The following BTD variants were observed in gnomAD, a reference collection of about 807,000 sequenced individuals.
The protein encoded by BTD is biocytinase.
A neutral mutation model predicts 17.7 loss-of-function variants in BTD; 13 were observed. The observed-to-expected ratio is 0.74, with a 90% CI of 0.48 to 1.17. The LOEUF (loss-of-function observed/expected upper bound fraction) is 1.17, where lower values mean the gene tolerates loss of function less well. Ranked by LOEUF, BTD falls within the 50% of genes most tolerant of loss-of-function variation. The pLI, the probability that BTD is intolerant of heterozygous loss-of-function variation, is 0.00. For missense variants in BTD, 674 were observed against 650.4 expected, an observed-to-expected ratio of 1.04 and a Z score of -0.39; for synonymous variants, 240 against 245.2, an observed-to-expected ratio of 0.98 and a Z score of 0.20.
At chr3:15,670,628 T>C in intron 3 of BTD, 2 of 1,431,464 alleles carry the variant, frequency 1.4e-6, no homozygotes, top group South Asian at 2.7e-5. Flanking sequence ...GAAATAAGCC[T>C]AAAGTACTTC....
At chr3:15,606,497 T>C (rs7651039) in intron 1 of BTD, 95,464 of 152,144 alleles carry the variant, frequency 0.63, 31,537 homozygotes, top group African/African-American at 0.85. Context: ...GTCAGTTCAC[T>C]GGGCCTACTT....
At chr3:15,630,024 T>C (rs2065166240) in intron 1 of BTD, 2 of 985,286 alleles carry the variant, frequency 2.0e-6, no homozygotes, top group African/African-American at 3.5e-5. Context: ...ACGCAGACGC[T>C]GTGTGTCACA....
At chr3:15,720,009 A>G (rs937521552) in intron 4 of BTD, among the ~76,000 whole-genome samples, 3 of 152,068 alleles carry the variant, frequency 2.0e-5, no homozygotes, top group African/African-American at 7.2e-5. Context: ...AGCTGGGACT[A>G]CAAGCATGAG....
chr3:15,603,656 C>G (rs2125323335), intron 1 of BTD, among the ~76,000 whole-genome samples: 1 of 150,936 alleles, frequency 6.6e-6, no homozygotes, highest in African/African-American at 2.4e-5. Context: ...GACTCCGTCT[C>G]AAAAAAAATA....
chr3:15,697,809 C>T (rs981479109), intron 3 of BTD, among the ~76,000 whole-genome samples: 3 of 152,170 alleles, frequency 2.0e-5, no homozygotes, highest in African/African-American at 7.2e-5. Context: ...AGGAATGGTA[C>T]CAGCTCCTCT....
chr3:15,616,349 T>C (rs1430052279), intron 1 of BTD, among the ~76,000 whole-genome samples: 2 of 152,134 alleles, frequency 1.3e-5, no homozygotes, highest in African/African-American at 4.8e-5. Flanking sequence ...GCGCGGTGGC[T>C]CACACCTGTA....
In BTD at chr3:15,677,072, A is replaced by G. The variant is rs777914019; in HGVS notation, c.400-32988A>G. The G allele has an allele frequency of 6.2e-6, 10 of 1,605,586 alleles. No homozygotes were observed. In the Admixed American group the frequency reaches 8.3e-5, roughly 13 times the overall value. ...TTTCATGACCCTATAATTGTGGCAG[A>G]TAAGTTATAAAAACTTGAGCACCAT... On this transcript the variant is annotated intron_variant, in intron 3 of 3. Coordinates refer to the BTD transcript ENST00000672141.
chr3:15,630,163 C>T, intron 1 of BTD: 4 of 786,708 alleles, frequency 5.1e-6, no homozygotes, highest in Non-Finnish European at 4.6e-6. Context: ...TCTTGAAAGT[C>T]AGATGCTTTC....
At chr3:15,670,244 G>T (rs750337322) in intron 3 of BTD, 1 of 1,604,758 alleles carries the variant, frequency 6.2e-7, no homozygotes, top group African/African-American at 1.3e-5. Context: ...AAGCTTTACT[G>T]TGAGAACTCC....
At chr3:15,674,155 G>A (rs187204228) in intron 3 of BTD, among the ~76,000 whole-genome samples, 2 of 109,152 alleles carry the variant, frequency 1.8e-5, no homozygotes, top group Non-Finnish European at 3.4e-5. Flanking sequence ...CTGGGCAACA[G>A]AGTGAGACCC....
intron 1 of BTD, among the ~76,000 whole-genome samples, chr3:15,609,723 C>CT (rs758735525): frequency 1.2e-4 from 19 of 152,100 alleles, no homozygotes; most frequent in Non-Finnish European, 2.6e-4. Context: ...GTGTTTACAT[C>CT]TGTTGCACAT....
At chr3:15,695,371 C>T (rs756002906) in intron 3 of BTD, among the ~76,000 whole-genome samples, 33 of 152,124 alleles carry the variant, frequency 2.2e-4, no homozygotes, top group Non-Finnish European at 4.6e-4. Context: ...TATATCACAA[C>T]AGACGTCAAA....
At chr3:15,703,472 T>G (rs1379743145) in intron 3 of BTD, among the ~76,000 whole-genome samples, 1 of 152,208 alleles carries the variant, frequency 6.6e-6, no homozygotes, top group African/African-American at 2.4e-5. Flanking sequence ...GGGATTAGTG[T>G]CCTTATAAAT....
intron 3 of BTD, chr3:15,676,825 T>C (rs2125655477): frequency 1.8e-6 from 1 of 556,014 alleles, no homozygotes; most frequent in Non-Finnish European, 3.1e-6. Context: ...GTGATCATTT[T>C]AGAAATGAGT....
At position 15,635,688 on chromosome 3, in the gene BTD, G is replaced by A; in HGVS notation, c.249G>A (p.Lys83=). Residue 83 remains lysine, a splice_region_variant and synonymous_variant, in exon 2 of 4, where the codon AAG becomes AAA. Coordinates refer to ENST00000643237, the MANE Select transcript of BTD (RefSeq NM_001370658.1). This position sits in a 1 kb window ranked among gnomAD's most constrained non-coding sequence, Gnocchi z 4.1. ...YEQQVMTAAQ[K]DVQIIVFPED... ...AGCAAGTGATGACTGCAGCCCAAAA[G>A]GCAAGAATGCTCCTCGGAACCTGAG... is the stretch of plus-strand genomic sequence containing the variant. 6.2e-7 allele frequency: 1 copy of A among 1,614,120 alleles called. No homozygotes were observed. The highest frequency in any genetic ancestry group is 8.5e-7 in the Non-Finnish European group (1 of 1,179,998).
At chr3:15,688,078 T>C (rs567885119) in intron 3 of BTD, among the ~76,000 whole-genome samples, 55 of 152,280 alleles carry the variant, frequency 3.6e-4, no homozygotes, top group African/African-American at 1.3e-3. Flanking sequence ...TTTTTGTGGG[T>C]AGGATTTATG....
chr3:15,686,546 G>A (rs1262955904), intron 3 of BTD: 1 of 522,984 alleles, frequency 1.9e-6, no homozygotes, highest in Non-Finnish European at 3.4e-6. Flanking sequence ...CAGCACCCAT[G>A]CCCTATCATC....
chr3:15,612,438 C>T (rs910068660), intron 1 of BTD, among the ~76,000 whole-genome samples: 10 of 152,230 alleles, frequency 6.6e-5, no homozygotes, highest in African/African-American at 2.4e-4. Flanking sequence ...TAGGCTTTTA[C>T]TGGCATTGAT....
chr3:15,614,168 A>G (rs1222214229), intron 1 of BTD, among the ~76,000 whole-genome samples: 4 of 147,118 alleles, frequency 2.7e-5, no homozygotes, highest in African/African-American at 7.6e-5. Flanking sequence ...CTGTCGCCCA[A>G]GCTGGAGTAC....
Sources: allele counts gnomAD v4.1 joint callset (sites outside exome capture counted in the v4.1 genomes callset), GRCh38; gene constraint gnomAD v4.1.1; non-coding constraint Gnocchi (gnomAD v3.1); transcripts MANE v1.5; gene names NCBI Gene and HGNC (gene_info 2026-07-23, HGNC 2026-07-21).